SCAF11: variants seen among roughly 807,000 people sequenced by gnomAD.
The protein encoded by SCAF11 is protein SCAF11.
Under a neutral mutation model 140.5 loss-of-function variants are expected in SCAF11, and 47 were observed. The observed-to-expected ratio is 0.33, with a 90% confidence interval of 0.26 to 0.43. The LOEUF is 0.43. Ranked by LOEUF, SCAF11 falls within the 20% of genes least tolerant of loss-of-function variation. The pLI is 1.00. For synonymous variants in SCAF11, 557 were observed against 579.4 expected (o/e 0.96, Z 0.55); for missense variants, 1,645 against 1,705.1 (o/e 0.96, Z 0.62).
intron 1 of SCAF11, among the ~76,000 whole-genome samples, chr12:45,980,827 C>G (rs1163853387): frequency 6.6e-6 from 1 of 152,156 alleles, no homozygotes; most frequent in Non-Finnish European, 1.5e-5. Flanking sequence ...TGGATTAAGA[C>G]TGTCCTGCTC....
intron 3 of SCAF11, among the ~76,000 whole-genome samples, chr12:45,954,569 CTTT>C (rs36060348): frequency 2.2e-4 from 28 of 129,084 alleles, no homozygotes; most frequent in Admixed American, 2.3e-4. Flanking sequence ...TAAGCTGTTA[CTTT>C]TTTTTTTTTT....
chr12:45,973,009 T>G (rs1028470490), intron 1 of SCAF11, among the ~76,000 whole-genome samples: 29 of 138,262 alleles, frequency 2.1e-4, no homozygotes, highest in East Asian at 4.2e-4. Context: ...TAGATATATA[T>G]ATAGATATAT....
intron 12 of SCAF11, 125 bp from the exon 13 acceptor site, chr12:45,923,279 T>C: frequency 1.4e-6 from 1 of 717,280 alleles, no homozygotes. Context: ...GAAAAATGCA[T>C]ATTTCAGGTA....
chr12:45,950,650 A>G (rs558444979), intron 4 of SCAF11, among the ~76,000 whole-genome samples: 124 of 152,296 alleles, frequency 8.1e-4, no homozygotes, highest in African/African-American at 2.5e-3. Context: ...ACTAATTTGC[A>G]TTGATGGCAA....
chr12:45,938,134 T>G (rs972258546), intron 6 of SCAF11, among the ~76,000 whole-genome samples: 4 of 152,170 alleles, frequency 2.6e-5, no homozygotes, highest in Non-Finnish European at 2.9e-5. Context: ...TTGTGGACAC[T>G]TATGTGCTGT....
intron 5 of SCAF11, among the ~76,000 whole-genome samples, chr12:45,946,720 A>G (rs1945431942): frequency 6.6e-6 from 1 of 152,222 alleles, no homozygotes; most frequent in Non-Finnish European, 1.5e-5. Context: ...ATTTCTACCA[A>G]AAGGTTATTT....
chr12:45,935,119 A>G (rs2136531165), intron 6 of SCAF11: 1 of 152,354 alleles, frequency 6.6e-6, no homozygotes, highest in Middle Eastern at 3.4e-3. Context: ...AGTGCATATG[A>G]CAACTGCCTT....
chr12:45,958,533 GCCTT>G (rs1425682083), intron 3 of SCAF11, among the ~76,000 whole-genome samples: 1 of 151,970 alleles, frequency 6.6e-6, no homozygotes, highest in Non-Finnish European at 1.5e-5. Flanking sequence ...AAAAATTTCA[GCCTT>G]CCTTAATGTC....
Position 45,921,947 on chromosome 12 carries a change from C to A in SCAF11, c.*101G>T. 7.2e-7 allele frequency: 1 copy of A among 1,392,188 alleles called. No individual in the cohort carries two copies. Among genetic ancestry groups the A allele is most frequent in the Middle Eastern group, 1.9e-4 (1 of 5,380 alleles). The allele number at this position is 1,392,188 out of a possible 1,614,324, so 86.2% of individuals were successfully genotyped here. A position where few individuals can be genotyped will look rare whatever the true frequency, so the allele number is the denominator to read the frequency against. Reference sequence around the variant, plus strand: ...TGTTAAAAAAATAATTTTATCAAAACCAAATTTCAATCACAGTTATGTATG... The same window carrying A: ...TGTTAAAAAAATAATTTTATCAAAAACAAATTTCAATCACAGTTATGTATG... On this transcript the variant is annotated 3_prime_UTR_variant, in exon 15 of 15. Transcript: ENST00000369367.
chr12:45,990,311 G>A (rs1474635195), intron 1 of SCAF11, 42 bp downstream of exon 1: 2 of 1,231,730 alleles, frequency 1.6e-6, no homozygotes, highest in South Asian at 8.3e-5. Context: ...CTCCCAGACA[G>A]CTGCCCAAGC....
chr12:45,928,385 A>G lies in SCAF11; in HGVS notation c.1316T>C (p.Val439Ala). 1 of 1,614,158 alleles carries G rather than the reference A, an allele frequency of 6.2e-7. No individual in the cohort carries two copies. Among genetic ancestry groups the G allele is most frequent in the Non-Finnish European group, 8.5e-7 (1 of 1,180,012 alleles). Residue 439 changes from valine to alanine, a missense_variant, in exon 11 of 15, where the codon GTA (valine) becomes GCA (alanine). Physicochemically the swap from Val to Ala is moderately conservative, Grantham distance 64. Around this residue, in one of 2 missense-constraint regions of SCAF11, gnomAD observed 1,582 missense variants for 1,609.2 expected, o/e 0.98. Coordinates refer to ENST00000369367, the MANE Select transcript of SCAF11 (RefSeq NM_004719.3). Reference sequence around the variant, plus strand: ...CAAGCAATTAGCAGACTGGTTTTCTACATGAGTCTGCACAGTACAAATGTT... The same window carrying G: ...CAAGCAATTAGCAGACTGGTTTTCTGCATGAGTCTGCACAGTACAAATGTT... Reference protein sequence around the residue: ...SSNICTVQTHVENQSANCLKS... With the variant: ...SSNICTVQTHAENQSANCLKS...
rs1944711756 is a variant in SCAF11 at position 45,921,486 on chromosome 12, T to C, written c.*562A>G. 1 of 152,414 alleles carries C rather than the reference T, an allele frequency of 6.6e-6. No homozygotes were observed. Among genetic ancestry groups the C allele is most frequent in the Non-Finnish European group, 1.5e-5 (1 of 68,050 alleles). 9.4% of individuals were successfully genotyped at this position (152,414 alleles called of 1,614,324 possible). A position where few individuals can be genotyped will look rare whatever the true frequency, so the allele number is the denominator to read the frequency against. On this transcript the variant is annotated 3_prime_UTR_variant, in exon 15 of 15. Transcript: ENST00000369367. ...TGTTTTGAACACTAAATTTTACTCG[T>C]GATAATTTTTTTTCTATCTAGGCAA...
At chr12:45,982,298 T>C (rs1030388159) in intron 1 of SCAF11, among the ~76,000 whole-genome samples, 1 of 152,230 alleles carries the variant, frequency 6.6e-6, no homozygotes, top group Admixed American at 6.5e-5. Flanking sequence ...TGATAGCTTA[T>C]AAATTTTTTG....
intron 1 of SCAF11, among the ~76,000 whole-genome samples, chr12:45,984,718 G>T: frequency 7.2e-6 from 1 of 139,256 alleles, no homozygotes. Context: ...TTTTTGAGGT[G>T]GAGTCTCACT....
chr12:45,943,429 A>G (rs927510208), intron 6 of SCAF11, among the ~76,000 whole-genome samples: 1 of 152,214 alleles, frequency 6.6e-6, no homozygotes, highest in Admixed American at 6.5e-5. Flanking sequence ...AAATTTTGAG[A>G]GAGCCCACGC....
intron 1 of SCAF11, chr12:45,975,516 C>G (rs1360772783): frequency 1.1e-5 from 2 of 185,246 alleles, no homozygotes; most frequent in East Asian, 3.2e-4. Context: ...ATGGAGATGG[C>G]TTCTTTCCTT....
At chr12:45,958,908 A>G (rs1413788493) in intron 3 of SCAF11, among the ~76,000 whole-genome samples, 1 of 152,234 alleles carries the variant, frequency 6.6e-6, no homozygotes, top group Non-Finnish European at 1.5e-5. Flanking sequence ...TAAATATACT[A>G]GACTACGACA....
intron 4 of SCAF11, among the ~76,000 whole-genome samples, chr12:45,950,463 C>CA (rs1945523992): frequency 6.6e-6 from 1 of 152,046 alleles, no homozygotes; most frequent in Admixed American, 6.6e-5. Flanking sequence ...TTATTCTAAG[C>CA]AAGAAAACAT....
In SCAF11 at chr12:45,923,135, T is replaced by C. The variant is rs771688747; in HGVS notation, c.3926A>G (p.His1309Arg). 13 of 1,614,006 alleles carry C rather than the reference T, an allele frequency of 8.1e-6. No homozygotes were observed. The East Asian group carries it at 2.0e-4, about 25-fold the overall frequency. Reference sequence around the variant, plus strand: ...TGGTGTACTCATGTTATTACTTACATGAGAAGAACTAGGAATACCCTGTTT... The same window carrying C: ...TGGTGTACTCATGTTATTACTTACACGAGAAGAACTAGGAATACCCTGTTT... ...KQLQGIPSSSHVSNNMSTPVL... is the reference protein window; with the variant it reads ...KQLQGIPSSSRVSNNMSTPVL... Residue 1309 changes from histidine (H) to arginine (R), a missense_variant, in exon 13 of 15, where the codon CAT (histidine) becomes CGT (arginine). Physicochemically the swap from His to Arg is conservative, Grantham distance 29 (BLOSUM62 0). Coordinates refer to ENST00000369367, the MANE Select transcript of SCAF11 (RefSeq NM_004719.3).
Sources: gnomAD v4.1 joint callset for allele counts (sites outside exome capture counted in the v4.1 genomes callset) on GRCh38, gnomAD v4.1.1 for gene constraint, gnomAD v4.1.1 regional missense constraint, MANE v1.5 for transcripts, NCBI Gene and HGNC (gene_info 2026-07-23, HGNC 2026-07-21) for gene names.